Variants in HIVEP3 observed in about 807,000 individuals in gnomAD.
HIVEP3 encodes transcription factor HIVEP3.
HIVEP3 carries 49 observed loss-of-function variants against 152.8 expected under a neutral mutation model. The ratio of observed to expected loss-of-function variants is 0.32; its 90% CI spans 0.26 to 0.41. HIVEP3 has a LOEUF of 0.41. Among genes scored for constraint, HIVEP3 ranks in the 10% least tolerant of loss-of-function variants. The pLI is 1.00. For missense variants in HIVEP3, 2,790 were observed against 3,103.3 expected (o/e 0.90, Z 2.40); for synonymous variants, 1,269 against 1,289.0 (o/e 0.98, Z 0.33).
intron 1 of HIVEP3, among the ~76,000 whole-genome samples, chr1:41,754,606 C>A (rs924232576): frequency 4.6e-5 from 7 of 152,116 alleles, no homozygotes; most frequent in African/African-American, 7.2e-5. Context: ...AGAGAGGGTG[C>A]AATATACCTT....
chr1:41,517,402 T>TG (rs200621536), intron 7 of HIVEP3, among the ~76,000 whole-genome samples: 2,651 of 152,272 alleles, frequency 0.017, 77 homozygotes, highest in African/African-American at 0.058. Context: ...ATTCTAGCTT[T>TG]GGGGGGGAAC....
chr1:41,638,278 GAAAGAGGA>G (rs1348650235), intron 2 of HIVEP3, among the ~76,000 whole-genome samples: 1 of 146,538 alleles, frequency 6.8e-6, no homozygotes, highest in African/African-American at 2.5e-5. Context: ...AAGAAAGAAA[GAAAGAGGA>G]AGGAAGGAAG....
At chr1:41,858,221 C>A (rs1477126979) in intron 1 of HIVEP3, among the ~76,000 whole-genome samples, 1 of 151,528 alleles carries the variant, frequency 6.6e-6, no homozygotes, top group Admixed American at 6.6e-5. Flanking sequence ...TGTTGGGACA[C>A]CTTTTCCACC....
intron 5 of HIVEP3, among the ~76,000 whole-genome samples, chr1:41,545,020 C>T (rs369314578): frequency 0.013 from 440 of 34,178 alleles, 15 homozygotes; most frequent in Non-Finnish European, 0.039. Flanking sequence ...ACCACCACTA[C>T]CACCACCACC....
chr1:41,584,090 G>A lies in HIVEP3; in HGVS notation c.708C>T (p.Tyr236=). The A allele has an allele frequency of 6.2e-7, 1 of 1,614,206 alleles. No individual in the cohort carries two copies. The highest frequency in any genetic ancestry group is 8.5e-7 in the Non-Finnish European group (1 of 1,180,046). ...GGTGGGCATGGGACTTCCTGTGCTT[G>A]TAGAGATTACTCTTGGTCTTGAAGG... ...GFSFKTKSNL[Y]KHRKSHAHRI... is the part of the protein sequence containing the mutation. The change falls in exon 4 of 9, where the codon TAC becomes TAT. Residue 236 remains tyrosine, a synonymous_variant. Transcript: ENST00000372583. This position sits in a 1 kb window ranked among gnomAD's most constrained non-coding sequence, Gnocchi z 5.2.
chr1:41,540,083 G>A (rs1052679412), intron 5 of HIVEP3, among the ~76,000 whole-genome samples: 2 of 152,240 alleles, frequency 1.3e-5, no homozygotes, highest in Non-Finnish European at 2.9e-5. Context: ...TACTGTCAGA[G>A]GTGGGACCTG....
chr1:41,887,791 G>A (rs140218915), intron 1 of HIVEP3, among the ~76,000 whole-genome samples: 276 of 152,226 alleles, frequency 1.8e-3, no homozygotes, highest in African/African-American at 6.3e-3. Flanking sequence ...AATTGAATCT[G>A]GTTTGATTCT....
chr1:41,631,855 ACACT>A (rs1264070829), intron 2 of HIVEP3, among the ~76,000 whole-genome samples: 1 of 152,120 alleles, frequency 6.6e-6, no homozygotes, highest in Non-Finnish European at 1.5e-5. Context: ...CAGTGTAGAA[ACACT>A]CACTTCTCAG....
chr1:41,960,949 T>C (rs1213539151), intron 1 of HIVEP3, among the ~76,000 whole-genome samples: 2 of 152,182 alleles, frequency 1.3e-5, no homozygotes, highest in Non-Finnish European at 2.9e-5. Flanking sequence ...ATCCATCCCA[T>C]GGAGAGTTGG....
chr1:41,980,872 AAC>A (rs1645290114), intron 1 of HIVEP3, among the ~76,000 whole-genome samples: 1 of 152,170 alleles, frequency 6.6e-6, no homozygotes, highest in Non-Finnish European at 1.5e-5. Flanking sequence ...AATTCAGAGG[AAC>A]AGTCTCCTTG....
chr1:41,895,427 C>T (rs1226676749), intron 1 of HIVEP3, among the ~76,000 whole-genome samples: 2 of 152,130 alleles, frequency 1.3e-5, no homozygotes, highest in Non-Finnish European at 2.9e-5. Context: ...ATGTTCATAT[C>T]AGGGCTTCAA....
chr1:41,888,858 C>A (rs1406182815), intron 1 of HIVEP3, among the ~76,000 whole-genome samples: 3 of 146,190 alleles, frequency 2.1e-5, no homozygotes, highest in Non-Finnish European at 3.0e-5. Context: ...ATACCACATA[C>A]CTCACACACA....
At chr1:41,876,747 G>A (rs1336164230) in intron 1 of HIVEP3, among the ~76,000 whole-genome samples, 2 of 152,156 alleles carry the variant, frequency 1.3e-5, no homozygotes, top group Non-Finnish European at 2.9e-5. Context: ...CTCCAGCCAA[G>A]CACATTTTTT....
At chr1:41,826,913 G>A (rs72961292) in intron 1 of HIVEP3, among the ~76,000 whole-genome samples, 1,746 of 152,260 alleles carry the variant, frequency 0.011, 31 homozygotes, top group African/African-American at 0.039. Flanking sequence ...TTCTTCAAAG[G>A]AGGACTTATT....
chr1:41,585,501 G>A (rs990497165), intron 3 of HIVEP3, among the ~76,000 whole-genome samples, 183 bp from the exon 4 acceptor site: 4 of 152,130 alleles, frequency 2.6e-5, no homozygotes, highest in African/African-American at 9.7e-5. Context: ...TCCAAGCCCT[G>A]CAATTCTTTC....
At chr1:42,031,585 C>T (rs1295362617) in intron 1 of HIVEP3, among the ~76,000 whole-genome samples, 1 of 152,162 alleles carries the variant, frequency 6.6e-6, no homozygotes, top group Non-Finnish European at 1.5e-5. Flanking sequence ...AACACCACCG[C>T]AACTTTTGAC....
At chr1:41,979,335 G>C (rs1180630206) in intron 1 of HIVEP3, among the ~76,000 whole-genome samples, 1 of 152,128 alleles carries the variant, frequency 6.6e-6, no homozygotes, top group African/African-American at 2.4e-5. Context: ...GGCCCGGTGT[G>C]AGACATTCCA....
intron 1 of HIVEP3, among the ~76,000 whole-genome samples, chr1:42,007,469 C>T (rs1244246310): frequency 1.3e-5 from 2 of 152,202 alleles, no homozygotes; most frequent in Non-Finnish European, 2.9e-5. Context: ...GTCTCTAGTG[C>T]TGCAGGTAGA....
chr1:41,868,516 T>C (rs1007385887), intron 1 of HIVEP3, among the ~76,000 whole-genome samples: 1 of 152,160 alleles, frequency 6.6e-6, no homozygotes, highest in African/African-American at 2.4e-5. Flanking sequence ...CTGGAGACAC[T>C]AGTCTCCAAT....
Sources: allele counts gnomAD v4.1 joint callset (sites outside exome capture counted in the v4.1 genomes callset), GRCh38; gene constraint gnomAD v4.1.1; non-coding constraint Gnocchi (gnomAD v3.1); transcripts MANE v1.5; gene names NCBI Gene and HGNC (gene_info 2026-07-23, HGNC 2026-07-21).